Variants in DNER observed in about 807,000 individuals in gnomAD.
DNER encodes delta and Notch-like epidermal growth factor-related receptor.
DNER carries 33 observed loss-of-function variants against 78.2 expected under a neutral mutation model. That is an observed-to-expected ratio of 0.42 (90% CI 0.32 to 0.56). DNER has a LOEUF of 0.56. Ranked by LOEUF, DNER falls within the 20% of genes least tolerant of loss-of-function variation. The pLI is 0.11. For missense variants in DNER, 918 were observed against 975.3 expected (o/e 0.94, Z 0.78); for synonymous variants, 417 against 384.8 (o/e 1.08, Z -0.98).
intron 10 of DNER, among the ~76,000 whole-genome samples, chr2:229,400,322 T>G (rs1426784211): frequency 6.6e-6 from 1 of 152,050 alleles, no homozygotes. Context: ...ACACATGCAC[T>G]TCCTCACTTT....
At chr2:229,364,284 G>A (rs576845475) in intron 12 of DNER, among the ~76,000 whole-genome samples, 20 of 152,046 alleles carry the variant, frequency 1.3e-4, no homozygotes, top group Non-Finnish European at 2.4e-4. Flanking sequence ...TCTCAAGCCG[G>A]TCAAGGCACC....
intron 7 of DNER, among the ~76,000 whole-genome samples, chr2:229,466,682 A>C (rs1354665569): frequency 1.3e-5 from 2 of 152,210 alleles, no homozygotes; most frequent in Non-Finnish European, 2.9e-5. Flanking sequence ...GGTAATCAAG[A>C]AATAGTATGT....
At chr2:229,447,805 T>G (rs191424236) in intron 7 of DNER, among the ~76,000 whole-genome samples, 43 of 152,018 alleles carry the variant, frequency 2.8e-4, no homozygotes, top group African/African-American at 1.0e-3. Context: ...CATGAATATA[T>G]TTATGTGCAC....
At position 229,459,984 on chromosome 2, in the gene DNER, C is replaced by T. The variant is rs143215820; in HGVS notation, c.1262-12444G>A. Among the ~76,000 whole-genome samples, 819 of 151,684 alleles carry T rather than the reference C, an allele frequency of 5.4e-3. 17 individuals are homozygous for T. The highest frequency in any genetic ancestry group is 0.018 in the African/African-American group (750 of 41,268). ...CATCCTGTCTAACATGGTGAAACCC[C>T]GTCTCTACTAAACATACAAAAAATT... On this transcript the variant is annotated intron_variant, in intron 7 of 12. Transcript: ENST00000341772.
intron 5 of DNER, among the ~76,000 whole-genome samples, chr2:229,529,743 C>T (rs1574887277): frequency 6.6e-6 from 1 of 152,204 alleles, no homozygotes; most frequent in East Asian, 1.9e-4. Flanking sequence ...TGCAATGGCT[C>T]ATGCCTGTAA....
intron 6 of DNER, among the ~76,000 whole-genome samples, chr2:229,502,571 C>G (rs902453142): frequency 3.3e-5 from 5 of 152,150 alleles, no homozygotes; most frequent in Non-Finnish European, 7.3e-5. Flanking sequence ...GGAATAGACA[C>G]TGACTCTGGA....
intron 6 of DNER, among the ~76,000 whole-genome samples, chr2:229,482,458 AG>A (rs1695180843): frequency 6.6e-6 from 1 of 152,232 alleles, no homozygotes; most frequent in South Asian, 2.1e-4. Flanking sequence ...AGGGGCTAAA[AG>A]ATACCGCACG....
intron 1 of DNER, among the ~76,000 whole-genome samples, chr2:229,704,689 G>T (rs117983865): frequency 6.6e-6 from 1 of 152,346 alleles, no homozygotes; most frequent in East Asian, 1.9e-4. Context: ...ACTACAACGG[G>T]GCATGAGGAA....
At chr2:229,564,833 T>A (rs1697071930) in intron 4 of DNER, among the ~76,000 whole-genome samples, 2 of 152,162 alleles carry the variant, frequency 1.3e-5, no homozygotes, top group South Asian at 4.1e-4. Context: ...CATAGACTGA[T>A]GGCTTTAAAA....
intron 7 of DNER, among the ~76,000 whole-genome samples, chr2:229,469,568 A>C (rs1224243906): frequency 1.3e-5 from 2 of 152,222 alleles, no homozygotes; most frequent in African/African-American, 4.8e-5. Context: ...GTCGCCAGGG[A>C]GTAAGTAATC....
intron 12 of DNER, 129 bp downstream of exon 12, chr2:229,366,744 A>G: frequency 7.1e-7 from 1 of 1,402,230 alleles, no homozygotes; most frequent in Non-Finnish European, 9.7e-7. Context: ...CCCCAAATAC[A>G]ATGTGGAACC....
chr2:229,634,216 T>A (rs953834766), intron 1 of DNER, among the ~76,000 whole-genome samples: 3 of 152,164 alleles, frequency 2.0e-5, no homozygotes, highest in African/African-American at 7.2e-5. Flanking sequence ...AGCAAAAAAA[T>A]TATAATAGCT....
intron 1 of DNER, among the ~76,000 whole-genome samples, chr2:229,706,999 A>G (rs1699837150): frequency 6.6e-6 from 1 of 151,916 alleles, no homozygotes; most frequent in Non-Finnish European, 1.5e-5. Context: ...TCATCAGAAA[A>G]GGTGATTTTT....
intron 1 of DNER, among the ~76,000 whole-genome samples, chr2:229,712,504 T>C (rs1699926307): frequency 2.0e-5 from 3 of 152,086 alleles, no homozygotes; most frequent in Admixed American, 6.6e-5. Flanking sequence ...TAGGTCCAAA[T>C]CAACTATTTC....
intron 1 of DNER, among the ~76,000 whole-genome samples, chr2:229,658,667 A>G (rs756157412): frequency 6.6e-6 from 1 of 152,188 alleles, no homozygotes; most frequent in Non-Finnish European, 1.5e-5. Flanking sequence ...GACTTTGAAT[A>G]AAAGATGTAT....
chr2:229,419,744 C>T (rs1028690492), intron 8 of DNER, among the ~76,000 whole-genome samples: 33 of 151,770 alleles, frequency 2.2e-4, no homozygotes, highest in African/African-American at 7.8e-4. Flanking sequence ...TAGTATGTTA[C>T]CCTACTTTTT....
At chr2:229,368,149 G>A (rs1264003614) in intron 11 of DNER, among the ~76,000 whole-genome samples, 1 of 152,128 alleles carries the variant, frequency 6.6e-6, no homozygotes, top group African/African-American at 2.4e-5. Flanking sequence ...ATTGTTTTGA[G>A]CTTAGGAGTT....
intron 1 of DNER, among the ~76,000 whole-genome samples, chr2:229,625,263 G>A (rs184724355): frequency 6.6e-6 from 1 of 152,154 alleles, no homozygotes; most frequent in Non-Finnish European, 1.5e-5. Context: ...ATCACCGGGG[G>A]CTGGGAGGGG....
In DNER at chr2:229,674,969, G is replaced by A. The variant is rs145436381; in HGVS notation, c.276+39179C>T. 4.2e-3 allele frequency among the ~76,000 whole-genome samples: 647 copies of A among 152,278 alleles called. 5 individuals are homozygous for A. The highest frequency in any genetic ancestry group is 0.015 in the African/African-American group (623 of 41,554). ...AGAAGCTACCTAAGCAAGGACATTC[G>A]CAAGCCATCAGCATTAGTCATCTTT... On this transcript the variant is annotated intron_variant, in intron 1 of 12. Transcript: ENST00000341772.
Sources: gnomAD v4.1 joint callset for allele counts (sites outside exome capture counted in the v4.1 genomes callset) on GRCh38, gnomAD v4.1.1 for gene constraint, MANE v1.5 for transcripts, NCBI Gene and HGNC (gene_info 2026-07-23, HGNC 2026-07-21) for gene names.